The following EPS8 variants were observed in gnomAD, a reference collection of about 807,000 sequenced individuals.
EPS8 encodes the protein EGFR pathway substrate 8, signaling adaptor.
EPS8 carries 42 observed loss-of-function variants against 103.8 expected under a neutral mutation model. The ratio of observed to expected loss-of-function variants is 0.40; its 90% confidence interval spans 0.32 to 0.52. EPS8 has a LOEUF of 0.52. EPS8 is among the 20% of genes least tolerant of loss of function. EPS8 has a pLI of 0.40. For synonymous variants in EPS8, 344 were observed against 344.6 expected, an observed-to-expected ratio of 1.00 and a Z score of 0.02; for missense variants, 969 against 1,005.1, an observed-to-expected ratio of 0.96 and a Z score of 0.49.
chr12:15,732,575 C>T (rs1024281143), intron 1 of EPS8, among the ~76,000 whole-genome samples: 7 of 152,184 alleles, frequency 4.6e-5, no homozygotes, highest in African/African-American at 1.7e-4. Flanking sequence ...CTACATCCTA[C>T]ACTCACTATC....
chr12:15,667,596 T>TA (rs1337821172), intron 6 of EPS8, among the ~76,000 whole-genome samples: 4 of 152,258 alleles, frequency 2.6e-5, no homozygotes, highest in Non-Finnish European at 2.9e-5. Flanking sequence ...TTCAACTTCT[T>TA]ATACTGGGGC....
chr12:15,732,702 A>T, intron 1 of EPS8: 1 of 851,264 alleles, frequency 1.2e-6, no homozygotes, highest in African/African-American at 1.8e-5. Flanking sequence ...ACATTTCTTA[A>T]AGATGAAAAA....
rs567509413 is a variant in EPS8 at position 15,728,985 on chromosome 12, C to T, written c.-21-46013G>A. On this transcript the variant is annotated intron_variant, in intron 1 of 20. Coordinates refer to ENST00000281172, the MANE Select transcript of EPS8 (RefSeq NM_004447.6). This position sits in a 1 kb window ranked among gnomAD's most constrained non-coding sequence, Gnocchi z 4.5. ...TTGTCTGAGAAAGTCTTTACTCCTC[C>T]TTCACTTTTGAAGGATAATTTTACT... is the stretch of plus-strand genomic sequence containing the variant. Among the ~76,000 whole-genome samples, 16 of 152,302 alleles carry T rather than the reference C, an allele frequency of 1.1e-4. No homozygotes were observed. In the South Asian group the frequency reaches 3.1e-3, roughly 30 times the overall value.
intron 1 of EPS8, among the ~76,000 whole-genome samples, chr12:15,765,099 C>G (rs11829642): frequency 0.073 from 11,179 of 152,100 alleles, 1,332 homozygotes; most frequent in African/African-American, 0.25. Flanking sequence ...GAAATCCAAA[C>G]AAAAAGGAGC....
In EPS8 at chr12:15,622,802, T is replaced by G. The variant is rs1591794850; in HGVS notation, c.2355+356A>C. Among the ~76,000 whole-genome samples the G allele has an allele frequency of 5.3e-5, 8 of 152,034 alleles. No individual in the cohort carries two copies. In the South Asian group the frequency reaches 1.7e-3, roughly 32 times the overall value. ...AGAATCTCCAAAAAAAAAAAAATAT[T>G]AAGAATAGGCAAGGATTCTGGCCTC... is the stretch of plus-strand genomic sequence containing the variant. On this transcript the variant is annotated intron_variant, in intron 20 of 20. Coordinates refer to ENST00000281172, the MANE Select transcript of EPS8 (RefSeq NM_004447.6).
At chr12:15,685,467 G>A (rs1026301715) in intron 1 of EPS8, among the ~76,000 whole-genome samples, 2 of 152,124 alleles carry the variant, frequency 1.3e-5, no homozygotes, top group South Asian at 2.1e-4. Flanking sequence ...TAAAACCACA[G>A]CAGCTGGTTT....
intron 1 of EPS8, among the ~76,000 whole-genome samples, chr12:15,689,872 T>C (rs1227626379): frequency 1.3e-5 from 2 of 151,990 alleles, no homozygotes; most frequent in African/African-American, 4.8e-5. Flanking sequence ...AGGCTGGGAG[T>C]TGGGGAAGGA....
At chr12:15,643,476 A>G (rs1945266143) in intron 15 of EPS8, among the ~76,000 whole-genome samples, 1 of 152,298 alleles carries the variant, frequency 6.6e-6, no homozygotes, top group East Asian at 1.9e-4. Context: ...GTGGTGGTTC[A>G]TGCCCGTAAT....
chr12:15,670,780 G>T (rs1945800925), intron 4 of EPS8, 76 bp downstream of exon 4: 2 of 1,008,610 alleles, frequency 2.0e-6, no homozygotes, highest in South Asian at 1.6e-5. Flanking sequence ...AAATAAAACA[G>T]AATTCTGATT....
chr12:15,680,369 G>A (rs950083422), intron 3 of EPS8, among the ~76,000 whole-genome samples: 14 of 152,204 alleles, frequency 9.2e-5, no homozygotes, highest in Middle Eastern at 3.4e-3. Context: ...AACACATACA[G>A]TGTTTTCTAC....
intron 15 of EPS8, among the ~76,000 whole-genome samples, chr12:15,643,542 C>A (rs1407826265): frequency 6.6e-6 from 1 of 151,916 alleles, no homozygotes; most frequent in Non-Finnish European, 1.5e-5. Flanking sequence ...GAGTTTGAGA[C>A]CAGCCTGTCC....
In EPS8 at chr12:15,749,078, G is replaced by C. The variant is rs144453542; in HGVS notation, c.-22+40083C>G. 0.015 allele frequency among the ~76,000 whole-genome samples: 2,308 copies of C among 152,136 alleles called. 79 individuals carry two copies. The highest frequency in any genetic ancestry group is 0.053 in the African/African-American group (2,191 of 41,494). ...GATCCATCCTAGTGTTCTTTTGGAA[G>C]AGCTAAATGTAATACTGTTGAACTA... On this transcript the variant is annotated intron_variant, in intron 1 of 20. Transcript: ENST00000281172. This position sits in a 1 kb window ranked among gnomAD's most constrained non-coding sequence, Gnocchi z 4.0.
Position 15,669,799 on chromosome 12 carries a change from C to T in EPS8, c.231G>A (p.Arg77=). 1.9e-6 allele frequency: 3 copies of T among 1,608,102 alleles called. No individual in the cohort carries two copies. Among genetic ancestry groups the T allele is most frequent in the Non-Finnish European group, 2.5e-6 (3 of 1,178,258 alleles). Residue 77 remains arginine, a synonymous_variant, in exon 5 of 21, where the codon CGG becomes CGA. Coordinates refer to ENST00000281172, the MANE Select transcript of EPS8 (RefSeq NM_004447.6). ...CATCAACAGTGATCATAGCATCTTT[C>T]CGATCCAGGACAAAGGTAGTCAAGT... The part of the protein sequence containing the change: ...VEHLTTFVLD[R]KDAMITVDDG...
chr12:15,641,492 TA>T (rs1021014192), intron 16 of EPS8, among the ~76,000 whole-genome samples: 4 of 149,798 alleles, frequency 2.7e-5, no homozygotes, highest in Non-Finnish European at 6.0e-5. Context: ...CAAAGGAAGT[TA>T]AAAAAAAACC....
intron 1 of EPS8, among the ~76,000 whole-genome samples, chr12:15,730,177 G>C (rs1408359984): frequency 1.3e-5 from 2 of 151,922 alleles, no homozygotes; most frequent in Non-Finnish European, 2.9e-5. Context: ...ACAGTTATTT[G>C]ATAAACACTT....
chr12:15,682,524 AC>A (rs1946025846), intron 2 of EPS8, among the ~76,000 whole-genome samples: 1 of 152,212 alleles, frequency 6.6e-6, no homozygotes, highest in African/African-American at 2.4e-5. Context: ...ATGACATTTA[AC>A]CCTTCTCAAA....
rs1268514867 is a variant in EPS8 at position 15,663,952 on chromosome 12, T to A, written c.736+1804A>T. ...AAAAAAAAAAAAAAAAAAAATAATA[T>A]ATATATATATATATATATATATATA... On this transcript the variant is annotated intron_variant, in intron 8 of 20. Coordinates refer to ENST00000281172, the MANE Select transcript of EPS8 (RefSeq NM_004447.6). Among the ~76,000 whole-genome samples the A allele has an allele frequency of 8.5e-3, 264 of 30,966 alleles. 4 individuals are homozygous for A. The highest frequency in any genetic ancestry group is 0.056 in the African/African-American group (204 of 3,656). 20.3% of individuals were successfully genotyped at this position (30,966 alleles called of 152,430 possible). A position where few individuals can be genotyped will look rare whatever the true frequency, so the allele number is the denominator to read the frequency against.
At chr12:15,710,678 G>A (rs1384826639) in intron 1 of EPS8, among the ~76,000 whole-genome samples, 2 of 152,030 alleles carry the variant, frequency 1.3e-5, no homozygotes, top group Non-Finnish European at 2.9e-5. Context: ...CAATTTTTAA[G>A]TGCTTACATG....
chr12:15,621,311 A>T lies in EPS8; in HGVS notation c.*6T>A, dbSNP rs966833739. On this transcript the variant is annotated 3_prime_UTR_variant, in exon 21 of 21. Coordinates refer to ENST00000281172, the MANE Select transcript of EPS8 (RefSeq NM_004447.6). ...AAACAATGGAGTTTAAATACAAACA[A>T]ACAAATTAGTGACTGCTTCCTTCAT... The T allele has an allele frequency of 6.6e-7, 1 of 1,513,644 alleles. No individual in the cohort carries two copies. Among genetic ancestry groups the T allele is most frequent in the Non-Finnish European group, 9.0e-7 (1 of 1,109,810 alleles). 93.8% of individuals were successfully genotyped at this position (1,513,644 alleles called of 1,614,324 possible).
Sources: gnomAD v4.1 joint callset for allele counts (sites outside exome capture counted in the v4.1 genomes callset) on GRCh38, gnomAD v4.1.1 for gene constraint, Gnocchi (gnomAD v3.1) non-coding constraint, MANE v1.5 for transcripts, NCBI Gene and HGNC (gene_info 2026-07-23, HGNC 2026-07-21) for gene names.